DLC1: variants seen among roughly 807,000 people sequenced by gnomAD.
DLC1 encodes the protein DLC1 Rho GTPase activating protein, also known as rho GTPase-activating protein 7.
A neutral mutation model predicts 140.3 loss-of-function variants in DLC1; 54 were observed. The ratio of observed to expected loss-of-function variants is 0.38; its 90% CI spans 0.31 to 0.48. The LOEUF (loss-of-function observed/expected upper bound fraction) is 0.48. Ranked by LOEUF, DLC1 falls within the 20% of genes least tolerant of loss-of-function variation. DLC1 has a pLI of 0.96. For synonymous variants in DLC1, 986 were observed against 728.1 expected, an observed-to-expected ratio of 1.35 and a Z score of -5.70; for missense variants, 2,536 against 1,907.0, an observed-to-expected ratio of 1.33 and a Z score of -6.14.
intron 5 of DLC1, among the ~76,000 whole-genome samples, chr8:13,262,887 T>A (rs962513247): frequency 6.6e-6 from 1 of 152,142 alleles, no homozygotes; most frequent in Non-Finnish European, 1.5e-5. Context: ...AGAATAACCA[T>A]CACTAGTTAT....
chr8:13,218,934 G>C (rs1421523712), intron 5 of DLC1, among the ~76,000 whole-genome samples: 1 of 50,138 alleles, frequency 2.0e-5, no homozygotes, highest in South Asian at 5.9e-4. Flanking sequence ...AATTACGTAC[G>C]AATATGATTA....
intron 1 of DLC1, among the ~76,000 whole-genome samples, chr8:13,575,479 G>C (rs1375154042): frequency 6.6e-6 from 1 of 151,318 alleles, no homozygotes; most frequent in Admixed American, 6.6e-5. Context: ...CTGGGGCTTG[G>C]ATATTTTGAA....
At chr8:13,501,387 C>T (rs1801810683) in intron 1 of DLC1, among the ~76,000 whole-genome samples, 1 of 152,146 alleles carries the variant, frequency 6.6e-6, no homozygotes, top group East Asian at 1.9e-4. Context: ...TTTTGCCCCA[C>T]AATGAAACTA....
At chr8:13,397,750 T>G (rs754600343) in intron 3 of DLC1, among the ~76,000 whole-genome samples, 5 of 151,950 alleles carry the variant, frequency 3.3e-5, no homozygotes, top group Admixed American at 6.6e-5. Context: ...GCAGGAGGAT[T>G]GCTTGAGCCC....
intron 2 of DLC1, among the ~76,000 whole-genome samples, chr8:13,413,397 C>T (rs1415744809): frequency 6.6e-6 from 1 of 150,930 alleles, no homozygotes; most frequent in Non-Finnish European, 1.5e-5. Context: ...AGCATAAAAT[C>T]CTTAATATAT....
intron 1 of DLC1, among the ~76,000 whole-genome samples, chr8:13,527,289 G>A (rs901462712): frequency 2.6e-5 from 4 of 151,998 alleles, no homozygotes; most frequent in Non-Finnish European, 5.9e-5. Context: ...AATTTCTATC[G>A]GAAAATATAC....
chr8:13,376,828 G>A (rs979069263), intron 4 of DLC1, among the ~76,000 whole-genome samples: 1 of 152,150 alleles, frequency 6.6e-6, no homozygotes, highest in African/African-American at 2.4e-5. Context: ...AGCTCTTGAT[G>A]AGTGACTCCA....
At chr8:13,304,124 A>C (rs188609958) in intron 5 of DLC1, among the ~76,000 whole-genome samples, 26 of 152,318 alleles carry the variant, frequency 1.7e-4, no homozygotes, top group African/African-American at 5.8e-4. Flanking sequence ...GAGATTTAAA[A>C]CTTTAAATCC....
At chr8:13,419,942 G>A (rs1236155743) in intron 2 of DLC1, among the ~76,000 whole-genome samples, 2 of 152,130 alleles carry the variant, frequency 1.3e-5, no homozygotes, top group African/African-American at 2.4e-5. Flanking sequence ...TTAGTCTTGG[G>A]AGAGTGTATG....
intron 4 of DLC1, among the ~76,000 whole-genome samples, chr8:13,363,303 C>G (rs931611403): frequency 2.7e-5 from 4 of 147,714 alleles, no homozygotes; most frequent in African/African-American, 9.8e-5. Context: ...GCACTGTGTT[C>G]TCAGAGCATG....
chr8:13,371,839 G>A (rs1835744675), intron 4 of DLC1, among the ~76,000 whole-genome samples: 1 of 152,084 alleles, frequency 6.6e-6, no homozygotes, highest in African/African-American at 2.4e-5. Context: ...ACAATGCATG[G>A]CACACAGTAG....
intron 4 of DLC1, among the ~76,000 whole-genome samples, chr8:13,387,664 AT>A (rs1249628353): frequency 1.3e-5 from 2 of 151,982 alleles, no homozygotes; most frequent in Non-Finnish European, 2.9e-5. Context: ...GATCAGTTTT[AT>A]TTTTGCTTAT....
intron 5 of DLC1, chr8:13,132,983 A>C: frequency 6.2e-7 from 1 of 1,611,046 alleles, no homozygotes; most frequent in Non-Finnish European, 8.5e-7. Flanking sequence ...CTGCACATCA[A>C]GCACGGCAGG....
intron 2 of DLC1, among the ~76,000 whole-genome samples, chr8:13,469,950 C>G (rs1456618095): frequency 6.6e-6 from 1 of 152,112 alleles, no homozygotes; most frequent in South Asian, 2.1e-4. Context: ...GGAAAATAGC[C>G]AGGCAGGGCA....
At chr8:13,359,160 C>T (rs1835097044) in intron 4 of DLC1, among the ~76,000 whole-genome samples, 1 of 152,128 alleles carries the variant, frequency 6.6e-6, no homozygotes, top group East Asian at 1.9e-4. Context: ...AGGATGGTCT[C>T]GATCTCCTGA....
chr8:13,405,703 T>C (rs185356161), intron 2 of DLC1, among the ~76,000 whole-genome samples: 1 of 152,220 alleles, frequency 6.6e-6, no homozygotes, highest in Non-Finnish European at 1.5e-5. Context: ...TTTCTTCCTG[T>C]CAATATACAG....
At chr8:13,189,846 C>T (rs1233027019) in intron 5 of DLC1, among the ~76,000 whole-genome samples, 1 of 151,670 alleles carries the variant, frequency 6.6e-6, no homozygotes, top group Non-Finnish European at 1.5e-5. Flanking sequence ...CGCGCCATTG[C>T]ACTCCAGCTT....
At chr8:13,427,174 C>G (rs929081494) in intron 2 of DLC1, among the ~76,000 whole-genome samples, 2 of 152,312 alleles carry the variant, frequency 1.3e-5, no homozygotes, top group Non-Finnish European at 2.9e-5. Context: ...ATTCCATGCC[C>G]CACTGTACGG....
chr8:13,147,725 C>T (rs1447653858), intron 5 of DLC1, among the ~76,000 whole-genome samples: 1 of 151,952 alleles, frequency 6.6e-6, no homozygotes, highest in East Asian at 1.9e-4. Flanking sequence ...CATGGTGGCT[C>T]ACGCTTGTAA....
Sources: allele counts gnomAD v4.1 joint callset (sites outside exome capture counted in the v4.1 genomes callset), GRCh38; gene constraint gnomAD v4.1.1; transcripts MANE v1.5; gene names NCBI Gene and HGNC (gene_info 2026-07-23, HGNC 2026-07-21).